Variants in GDPD3 observed in about 807,000 individuals in gnomAD.
The protein encoded by GDPD3 is lysophospholipase D GDPD3.
A neutral mutation model predicts 43.7 loss-of-function variants in GDPD3; 40 were observed. That is an observed-to-expected ratio of 0.91 (90% CI 0.71 to 1.19). The LOEUF is 1.19. Among genes scored for constraint, GDPD3 ranks in the 50% most tolerant of loss-of-function variants. The probability of loss-of-function intolerance (pLI) is 0.00; values close to 1 mark genes in which losing one functional copy is unlikely to be tolerated. For missense variants in GDPD3, 363 were observed against 415.8 expected, an observed-to-expected ratio of 0.87 and a Z score of 1.11; for synonymous variants, 145 against 162.9, an observed-to-expected ratio of 0.89 and a Z score of 0.84.
intron 9 of GDPD3, chr16:30,107,904 C>T (rs763232566): frequency 8.7e-5 from 16 of 184,904 alleles, no homozygotes; most frequent in Non-Finnish European, 1.3e-4. Flanking sequence ...GCAGGAGAAT[C>T]GCTTGAACCC....
chr16:30,112,248 G>C lies in GDPD3; in HGVS notation c.484-27C>G. ...TGGGAGGAGGAGAAGGAGGTGAAGG[G>C]AGAGCCAGGCCTCTCTCACGCCCCC... On this transcript the variant is annotated intron_variant, in intron 5 of 9. Coordinates refer to ENST00000406256, the MANE Select transcript of GDPD3 (RefSeq NM_024307.3). This position sits in a 1 kb window ranked among gnomAD's most constrained non-coding sequence, Gnocchi z 5.4. 1.2e-6 allele frequency: 2 copies of C among 1,613,566 alleles called. No homozygotes were observed. Among genetic ancestry groups the C allele is most frequent in the Non-Finnish European group, 1.7e-6 (2 of 1,179,430 alleles).
chr16:30,112,918 G>A lies in GDPD3; in HGVS notation c.182+104C>T. 6.8e-7 allele frequency: 1 copy of A among 1,476,638 alleles called. No homozygotes were observed. The highest frequency in any genetic ancestry group is 9.4e-7 in the Non-Finnish European group (1 of 1,062,278). 91.5% of individuals were successfully genotyped at this position (1,476,638 alleles called of 1,614,324 possible). On this transcript the variant is annotated intron_variant, in intron 2 of 9. Transcript: ENST00000406256. The surrounding 1 kb of genome is among the most constrained non-coding windows in gnomAD (Gnocchi z 5.4). The stretch of plus-strand genomic sequence containing the variant: ...GGGATGTGCAGGCCACCTCCAGGGG[G>A]CGCCAGTCACCCAGCTAGGAAGTGA...
chr16:30,112,132 G>A lies in GDPD3; in HGVS notation c.573C>T (p.Ala191=), dbSNP rs200801803. The change falls in exon 6 of 10, where the codon GCC becomes GCT. Residue 191 remains alanine (A), a splice_region_variant and synonymous_variant. Transcript: ENST00000406256. This position sits in a 1 kb window ranked among gnomAD's most constrained non-coding sequence, Gnocchi z 5.4. The stretch of plus-strand genomic sequence containing the variant: ...ACGGGGGAGGGGTGGGGGGACTCAC[G>A]GCAGCCTTGCATTTCTTCATGACCG... ...KSSVMKKCKA[A]NPEMPLSFTI... The A allele has an allele frequency of 5.8e-5, 94 of 1,612,714 alleles. No individual in the cohort carries two copies. Among genetic ancestry groups the A allele is most frequent in the Middle Eastern group, 1.6e-4 (1 of 6,078 alleles).
chr16:30,112,661 G>T lies in GDPD3; in HGVS notation c.315C>A (p.Phe105Leu). 2 of 1,614,070 alleles carry T rather than the reference G, an allele frequency of 1.2e-6. No homozygotes were observed. The highest frequency in any genetic ancestry group is 1.7e-6 in the Non-Finnish European group (2 of 1,179,994). Residue 105 changes from phenylalanine (F) to leucine (L), a missense_variant, in exon 3 of 10, where the codon TTC (phenylalanine) becomes TTA (leucine). Physicochemically the swap from Phe to Leu is conservative, Grantham distance 22 (BLOSUM62 0). Coordinates refer to ENST00000406256, the MANE Select transcript of GDPD3 (RefSeq NM_024307.3). This position sits in a 1 kb window ranked among gnomAD's most constrained non-coding sequence, Gnocchi z 5.4. ...GLNRDVGSLD[F>L]EDLPLYKEKL... ...GGGGTGTCAGGGCAGGGCCCACCTC[G>T]AAGTCCAGGCTGCCCACATCCCTGT...
rs780442950 is a variant in GDPD3, at chr16:30,113,019, C to T, written c.182+3G>A. 7 of 1,613,160 alleles carry T rather than the reference C, an allele frequency of 4.3e-6. No homozygotes were observed. In the African/African-American group the frequency reaches 9.4e-5, roughly 22 times the overall value. On this transcript the variant is annotated splice_donor_region_variant and intron_variant, in intron 2 of 9. Transcript: ENST00000406256. The surrounding 1 kb of genome is among the most constrained non-coding windows in gnomAD (Gnocchi z 5.9). ...CAGCCTGGGCAGGGGCAGATACACTCACTTCTCCATGGCCTCCATGGTGTT... is the reference window on the plus strand; with the variant it reads ...CAGCCTGGGCAGGGGCAGATACACTTACTTCTCCATGGCCTCCATGGTGTT...
intron 7 of GDPD3, among the ~76,000 whole-genome samples, chr16:30,109,845 G>A (rs144655193): frequency 1.4e-4 from 21 of 152,152 alleles, no homozygotes; most frequent in African/African-American, 2.9e-4. Flanking sequence ...AAAAAACCTC[G>A]TGAGCCACTG....
Position 30,112,434 on chromosome 16 carries a change from G to A in GDPD3, c.365-10C>T. 6.2e-7 allele frequency: 1 copy of A among 1,614,146 alleles called. No individual in the cohort carries two copies. Among genetic ancestry groups the A allele is most frequent in the Non-Finnish European group, 8.5e-7 (1 of 1,179,970 alleles). On this transcript the variant is annotated splice_polypyrimidine_tract_variant and intron_variant, in intron 4 of 9. Coordinates refer to ENST00000406256, the MANE Select transcript of GDPD3 (RefSeq NM_024307.3). This position sits in a 1 kb window ranked among gnomAD's most constrained non-coding sequence, Gnocchi z 5.4. ...CCGTGAGCAAAGTGGCCTGGGGGTG[G>A]TGTGGGAAAAGGGGTCAGAGGGAAG...
chr16:30,109,801 G>T (rs532454483), intron 7 of GDPD3, among the ~76,000 whole-genome samples: 1 of 151,994 alleles, frequency 6.6e-6, no homozygotes, highest in Non-Finnish European at 1.5e-5. Context: ...GCAAAACTCC[G>T]TCTCAAAAAC....
chr16:30,108,525 G>A (rs1158553004), intron 7 of GDPD3, 93 bp from the exon 8 acceptor site: 8 of 1,115,364 alleles, frequency 7.2e-6, no homozygotes, highest in South Asian at 2.5e-5. Context: ...CTAGGGTAGC[G>A]CTGCCCTCCC....
At position 30,104,912 on chromosome 16, in the gene GDPD3, T is replaced by G; in HGVS notation, c.917A>C (p.His306Pro). ...AGCTGGTCCATGGTTGTCCAGGTAGTGCCGCAGGGCTGTGGGATAATCCGT... is the reference window on the plus strand; with the variant it reads ...AGCTGGTCCATGGTTGTCCAGGTAGGGCCGCAGGGCTGTGGGATAATCCGT... ...VITDYPTALR[H>P]YLDNHGPAAR... is the part of the protein sequence containing the mutation. The change falls in exon 10 of 10, where the codon CAC (histidine) becomes CCC (proline). Residue 306 changes from histidine (H) to proline (P), a missense_variant. By Grantham distance (77) the His-to-Pro change is moderately conservative (BLOSUM62 -2). Transcript: ENST00000406256. The G allele has an allele frequency of 6.2e-7, 1 of 1,612,712 alleles. No individual in the cohort carries two copies. The highest frequency in any genetic ancestry group is 8.5e-7 in the Non-Finnish European group (1 of 1,180,006).
At chr16:30,108,174 C>T in intron 9 of GDPD3, 39 bp downstream of exon 9, 2 of 1,541,072 alleles carry the variant, frequency 1.3e-6, no homozygotes, top group Non-Finnish European at 1.8e-6. Context: ...ACCCTGCTGC[C>T]AGGTCTGTGT....
intron 9 of GDPD3, among the ~76,000 whole-genome samples, chr16:30,105,574 G>A (rs369992663): frequency 2.0e-5 from 3 of 150,888 alleles, no homozygotes; most frequent in Middle Eastern, 3.4e-3. Flanking sequence ...GCATGAACTC[G>A]GCTCACTGCA....
At chr16:30,108,682 AC>A (rs1415564725) in intron 7 of GDPD3, among the ~76,000 whole-genome samples, 3 of 152,024 alleles carry the variant, frequency 2.0e-5, no homozygotes, top group African/African-American at 7.2e-5. Flanking sequence ...GCCTTAGAGA[AC>A]GAAAGGGACT....
At chr16:30,105,734 A>G (rs1321987069) in intron 9 of GDPD3, among the ~76,000 whole-genome samples, 1 of 148,828 alleles carries the variant, frequency 6.7e-6, no homozygotes, top group Non-Finnish European at 1.5e-5. Flanking sequence ...CGATCTCCTA[A>G]CCTCGTGATC....
intron 7 of GDPD3, 42 bp from the exon 8 acceptor site, chr16:30,108,474 C>T (rs746214154): frequency 6.3e-7 from 1 of 1,597,930 alleles, no homozygotes; most frequent in African/African-American, 1.3e-5. Flanking sequence ...TAGGGTCTCC[C>T]CTGTCCCAGA....
chr16:30,108,006 C>T lies in GDPD3; in HGVS notation c.819+207G>A, dbSNP rs2072871825. Reference sequence around the variant, plus strand: ...CTCTTGACACACACACACACACACACACACACACACAGAAGAAGAAAATTG... The same window carrying T: ...CTCTTGACACACACACACACACACATACACACACACAGAAGAAGAAAATTG... On this transcript the variant is annotated intron_variant, in intron 9 of 9. Coordinates refer to ENST00000406256, the MANE Select transcript of GDPD3 (RefSeq NM_024307.3). The T allele has an allele frequency of 1.6e-5, 8 of 494,586 alleles. No individual in the cohort carries two copies. In the South Asian group the frequency reaches 1.9e-4, roughly 12 times the overall value. 30.6% of individuals were successfully genotyped at this position (494,586 alleles called of 1,614,324 possible). A position where few individuals can be genotyped will look rare whatever the true frequency, so the allele number is the denominator to read the frequency against.
chr16:30,112,909 C>T lies in GDPD3; in HGVS notation c.182+113G>A. The T allele has an allele frequency of 1.4e-6, 2 of 1,478,532 alleles. No individual in the cohort carries two copies. The highest frequency in any genetic ancestry group is 1.1e-5 in the South Asian group (1 of 87,494). 91.6% of individuals were successfully genotyped at this position (1,478,532 alleles called of 1,614,324 possible). On this transcript the variant is annotated intron_variant, in intron 2 of 9. Transcript: ENST00000406256. This position sits in a 1 kb window ranked among gnomAD's most constrained non-coding sequence, Gnocchi z 5.4. Reference sequence around the variant, plus strand: ...GTTCGTGGCGGGATGTGCAGGCCACCTCCAGGGGGCGCCAGTCACCCAGCT... The same window carrying T: ...GTTCGTGGCGGGATGTGCAGGCCACTTCCAGGGGGCGCCAGTCACCCAGCT...
chr16:30,112,825 G>T lies in GDPD3; in HGVS notation c.183-32C>A, dbSNP rs1475488617. The stretch of plus-strand genomic sequence containing the variant: ...GGGTGAAGGTCAGCGGGGGGCAGGG[G>T]CAGGGGACTGGGATGAGGGGCATGG... On this transcript the variant is annotated intron_variant, in intron 2 of 9. Coordinates refer to ENST00000406256, the MANE Select transcript of GDPD3 (RefSeq NM_024307.3). This position sits in a 1 kb window ranked among gnomAD's most constrained non-coding sequence, Gnocchi z 5.4. The T allele has an allele frequency of 3.1e-6, 5 of 1,601,418 alleles. No homozygotes were observed. The highest frequency in any genetic ancestry group is 4.2e-6 in the Non-Finnish European group (5 of 1,177,008).
At chr16:30,108,933 A>T (rs537088761) in intron 7 of GDPD3, among the ~76,000 whole-genome samples, 2 of 151,190 alleles carry the variant, frequency 1.3e-5, no homozygotes, top group Non-Finnish European at 2.9e-5. Flanking sequence ...CTGGGTTCAC[A>T]CCATTCTCCT....
Sources: allele counts gnomAD v4.1 joint callset (sites outside exome capture counted in the v4.1 genomes callset), GRCh38; gene constraint gnomAD v4.1.1; non-coding constraint Gnocchi (gnomAD v3.1); transcripts MANE v1.5; gene names NCBI Gene and HGNC (gene_info 2026-07-23, HGNC 2026-07-21).